Variants in KLF6 observed in about 807,000 individuals in gnomAD.
KLF6 encodes Krueppel-like factor 6.
For missense variants in KLF6, 233 were observed against 359.8 expected, an observed-to-expected ratio of 0.65 and a Z score of 2.85; for synonymous variants, 152 against 147.9, an observed-to-expected ratio of 1.03 and a Z score of -0.20.
intron 1 of KLF6, chr10:3,783,408 T>C (rs904499343): frequency 2.0e-5 from 3 of 152,208 alleles, no homozygotes; most frequent in Admixed American, 2.0e-4. Context: ...CAGATTTCAG[T>C]TTCTACACCA....
rs1832534587 is a variant in KLF6 at position 3,781,926 on chromosome 10, C to T, written c.391G>A (p.Gly131Ser). The T allele has an allele frequency of 1.2e-6, 2 of 1,614,186 alleles. No homozygotes were observed. Among genetic ancestry groups the T allele is most frequent in the Admixed American group, 1.7e-5 (1 of 60,014 alleles). The part of the protein sequence containing the change: ...PTAKFTSDPI[G>S]EVLVSSGKLS... ...TTTCCCGAGCTGACCAAAACTTCGC[C>T]AATGGGGTCGGAGGTAAACTTGGCC... The change falls in exon 2 of 4, where the codon GGC (glycine) becomes AGC (serine). Residue 131 changes from glycine to serine, a missense_variant. Transcript: ENST00000497571. The surrounding 1 kb of genome is among the most constrained non-coding windows in gnomAD (Gnocchi z 5.8).
rs1373813014 is a variant in KLF6, at chr10:3,780,410, C to T, written c.677-181G>A. 1 of 706,508 alleles carries T rather than the reference C, an allele frequency of 1.4e-6. No individual in the cohort carries two copies. The highest frequency in any genetic ancestry group is 2.5e-6 in the Non-Finnish European group (1 of 397,124). 43.8% of individuals were successfully genotyped at this position (706,508 alleles called of 1,614,324 possible). On this transcript the variant is annotated intron_variant, in intron 2 of 3. Coordinates refer to ENST00000497571, the MANE Select transcript of KLF6 (RefSeq NM_001300.6). This position sits in a 1 kb window ranked among gnomAD's most constrained non-coding sequence, Gnocchi z 4.6. ...AACAGCAGCTCTCTCCTGACCCAGT[C>T]TCAGGCCTCCCACTGCTGTCCAAGG...
chr10:3,777,922 G>GTTTT lies in KLF6; in HGVS notation c.*1613_*1616dup, dbSNP rs375644559. 41 of 492,414 alleles carry GTTTT rather than the reference G, an allele frequency of 8.3e-5. No individual in the cohort carries two copies. Among genetic ancestry groups the GTTTT allele is most frequent in the Non-Finnish European group, 1.4e-4 (36 of 250,536 alleles). The allele number at this position is 492,414 out of a possible 1,614,324, so 30.5% of individuals were successfully genotyped here. ...TTAAGCAAATACATTAACATTGGGGGTTTTTTAATACTTCTGTATCTTTAA... is the reference window on the plus strand; with the variant it reads ...TTAAGCAAATACATTAACATTGGGGGTTTTTTTTTTAATACTTCTGTATCTTTAA... On this transcript the variant is annotated 3_prime_UTR_variant, in exon 4 of 4. Coordinates refer to ENST00000497571, the MANE Select transcript of KLF6 (RefSeq NM_001300.6).
chr10:3,777,465 A>C lies in KLF6; in HGVS notation c.*2074T>G. The C allele has an allele frequency of 2.0e-6, 1 of 512,018 alleles. No individual in the cohort carries two copies. The highest frequency in any genetic ancestry group is 2.3e-5 in the Admixed American group (1 of 44,248). 31.7% of individuals were successfully genotyped at this position (512,018 alleles called of 1,614,324 possible). A position where few individuals can be genotyped will look rare whatever the true frequency, so the allele number is the denominator to read the frequency against. On this transcript the variant is annotated 3_prime_UTR_variant, in exon 4 of 4. Transcript: ENST00000497571. ...CAAAATCAAAACCTTAGTGTGTCCG[A>C]GTCCAGCCTGGGTTCCAGCATTCTG...
chr10:3,782,348 TTGTAATTAAGCATCCG>T lies in KLF6; in HGVS notation c.103-150_103-135del. The stretch of plus-strand genomic sequence containing the variant: ...CCGGTCACTACAGGGGCAAAACCTT[TTGTAATTAAGCATCCG>T]TGTCCTTACGGAAGTTAGAGGAAAT... On this transcript the variant is annotated intron_variant, in intron 1 of 3. Coordinates refer to ENST00000497571, the MANE Select transcript of KLF6 (RefSeq NM_001300.6). The surrounding 1 kb of genome is among the most constrained non-coding windows in gnomAD (Gnocchi z 4.3). 1 of 734,876 alleles carries T rather than the reference TTGTAATTAAGCATCCG, an allele frequency of 1.4e-6. No homozygotes were observed. Among genetic ancestry groups the T allele is most frequent in the Non-Finnish European group, 2.4e-6 (1 of 417,298 alleles). 45.5% of individuals were successfully genotyped at this position (734,876 alleles called of 1,614,324 possible).
Position 3,780,677 on chromosome 10 carries a change from C to T in KLF6, c.677-448G>A. On this transcript the variant is annotated intron_variant, in intron 2 of 3. Transcript: ENST00000497571. The surrounding 1 kb of genome is among the most constrained non-coding windows in gnomAD (Gnocchi z 4.6). ...TCCTCAGGGACGTTCTACCTTTCTA[C>T]AAAGCTGAAGTTACGAGCTTCTGGA... 1 of 274,228 alleles carries T rather than the reference C, an allele frequency of 3.6e-6. No individual in the cohort carries two copies. The highest frequency in any genetic ancestry group is 7.3e-6 in the Non-Finnish European group (1 of 136,802). The allele number at this position is 274,228 out of a possible 1,614,324, so 17.0% of individuals were successfully genotyped here.
chr10:3,780,729 A>G lies in KLF6; in HGVS notation c.677-500T>C. ...AGCCCCAGTACAGGGCCCCGGAATCATTCTCTAAATGGCAATTGAACAACT... is the reference window on the plus strand; with the variant it reads ...AGCCCCAGTACAGGGCCCCGGAATCGTTCTCTAAATGGCAATTGAACAACT... On this transcript the variant is annotated intron_variant, in intron 2 of 3. Transcript: ENST00000497571. This position sits in a 1 kb window ranked among gnomAD's most constrained non-coding sequence, Gnocchi z 4.6. The G allele has an allele frequency of 4.7e-6, 1 of 210,754 alleles. No homozygotes were observed. The highest frequency in any genetic ancestry group is 9.9e-6 in the Non-Finnish European group (1 of 100,872). 13.1% of individuals were successfully genotyped at this position (210,754 alleles called of 1,614,324 possible). A position where few individuals can be genotyped will look rare whatever the true frequency, so the allele number is the denominator to read the frequency against.
chr10:3,784,192 G>C (rs925094653), intron 1 of KLF6, among the ~76,000 whole-genome samples: 2 of 152,118 alleles, frequency 1.3e-5, no homozygotes, highest in African/African-American at 2.4e-5. Context: ...CTATAAGCAC[G>C]GGGACCTGGT....
chr10:3,781,201 T>A lies in KLF6; in HGVS notation c.676+440A>T, dbSNP rs146099876. 6.7e-4 allele frequency: 266 copies of A among 396,358 alleles called. 1 individual carries two copies. The highest frequency in any genetic ancestry group is 4.4e-3 in the African/African-American group (217 of 49,096). The allele number at this position is 396,358 out of a possible 1,614,324, so 24.6% of individuals were successfully genotyped here. A position where few individuals can be genotyped will look rare whatever the true frequency, so the allele number is the denominator to read the frequency against. On this transcript the variant is annotated intron_variant, in intron 2 of 3. Transcript: ENST00000497571. The surrounding 1 kb of genome is among the most constrained non-coding windows in gnomAD (Gnocchi z 5.8). ...AGAGCAGGCCGGTCCCACTCGGGCC[T>A]CGGGCCGTCAGCATCAAACCCACAC...
In KLF6 at chr10:3,781,484, CA is replaced by C; in HGVS notation, c.676+156del. 6.4e-7 allele frequency: 1 copy of C among 1,550,634 alleles called. No homozygotes were observed. On this transcript the variant is annotated intron_variant, in intron 2 of 3. Transcript: ENST00000497571. The surrounding 1 kb of genome is among the most constrained non-coding windows in gnomAD (Gnocchi z 5.8). ...GTCTTTAGGATTCTACTCTGAACTC[CA>C]AAAAGACCTAATGCTTTGGTGGAAA... is the stretch of plus-strand genomic sequence containing the variant.
intron 1 of KLF6, among the ~76,000 whole-genome samples, chr10:3,784,567 A>G (rs1442619776): frequency 1.3e-5 from 2 of 151,736 alleles, no homozygotes; most frequent in African/African-American, 2.4e-5. Context: ...CAAAAACAAA[A>G]TCCGTTAAAA....
chr10:3,778,419 T>C lies in KLF6; in HGVS notation c.*1120A>G, dbSNP rs1832444264. 1.9e-6 allele frequency: 1 copy of C among 525,556 alleles called. No homozygotes were observed. The highest frequency in any genetic ancestry group is 3.7e-6 in the Non-Finnish European group (1 of 270,814). 32.6% of individuals were successfully genotyped at this position (525,556 alleles called of 1,614,324 possible). A position where few individuals can be genotyped will look rare whatever the true frequency, so the allele number is the denominator to read the frequency against. On this transcript the variant is annotated 3_prime_UTR_variant, in exon 4 of 4. Coordinates refer to ENST00000497571, the MANE Select transcript of KLF6 (RefSeq NM_001300.6). ...GCGTTAGTGGTTTTATCCACCCAAC[T>C]GAGAAAAATTTTAGGTTCTTAAGTC...
In KLF6 at chr10:3,778,744, C is replaced by T. The variant is rs1202426933; in HGVS notation, c.*795G>A. 7.6e-6 allele frequency: 4 copies of T among 529,796 alleles called. No homozygotes were observed. Among genetic ancestry groups the T allele is most frequent in the African/African-American group, 7.5e-5 (4 of 53,630 alleles). The allele number at this position is 529,796 out of a possible 1,614,324, so 32.8% of individuals were successfully genotyped here. A position where few individuals can be genotyped will look rare whatever the true frequency, so the allele number is the denominator to read the frequency against. ...CAGTCCTGACTTAAAAATGGAAAAG[C>T]ATATAGTTCCCCAGACCATGCATGA... On this transcript the variant is annotated 3_prime_UTR_variant, in exon 4 of 4. Transcript: ENST00000497571.
At chr10:3,784,278 C>G (rs1288603199) in intron 1 of KLF6, among the ~76,000 whole-genome samples, 1 of 152,162 alleles carries the variant, frequency 6.6e-6, no homozygotes, top group Non-Finnish European at 1.5e-5. Context: ...TCTTTCCAAA[C>G]TAAGACTTGA....
At position 3,780,620 on chromosome 10, in the gene KLF6, C is replaced by T; in HGVS notation, c.677-391G>A. The T allele has an allele frequency of 2.9e-6, 1 of 347,164 alleles. No individual in the cohort carries two copies. Among genetic ancestry groups the T allele is most frequent in the Non-Finnish European group, 5.7e-6 (1 of 176,114 alleles). 21.5% of individuals were successfully genotyped at this position (347,164 alleles called of 1,614,324 possible). A position where few individuals can be genotyped will look rare whatever the true frequency, so the allele number is the denominator to read the frequency against. On this transcript the variant is annotated intron_variant, in intron 2 of 3. Transcript: ENST00000497571. The surrounding 1 kb of genome is among the most constrained non-coding windows in gnomAD (Gnocchi z 4.6). Reference sequence around the variant, plus strand: ...CTCCCAAACACACTTCTGTTCCATCCTCACTTCCCTATGGAATGTGCCTCT... The same window carrying T: ...CTCCCAAACACACTTCTGTTCCATCTTCACTTCCCTATGGAATGTGCCTCT...
Position 3,780,073 on chromosome 10 carries a change from G to C in KLF6, c.800+33C>G. ...GGTCATCACATTCCCAAGGCCCCAC[G>C]CTCCTTGCCCAGCATTGTCCTCAGG... On this transcript the variant is annotated intron_variant, in intron 3 of 3. Coordinates refer to ENST00000497571, the MANE Select transcript of KLF6 (RefSeq NM_001300.6). The surrounding 1 kb of genome is among the most constrained non-coding windows in gnomAD (Gnocchi z 4.6). The C allele has an allele frequency of 6.2e-7, 1 of 1,613,534 alleles. No individual in the cohort carries two copies. Among genetic ancestry groups the C allele is most frequent in the South Asian group, 1.1e-5 (1 of 91,066 alleles).
At position 3,779,091 on chromosome 10, in the gene KLF6, C is replaced by T. The variant is rs1282000406; in HGVS notation, c.*448G>A. The T allele has an allele frequency of 2.1e-5, 11 of 536,238 alleles. No individual in the cohort carries two copies. The East Asian group carries it at 3.5e-4, about 17-fold the overall frequency. 33.2% of individuals were successfully genotyped at this position (536,238 alleles called of 1,614,324 possible). A position where few individuals can be genotyped will look rare whatever the true frequency, so the allele number is the denominator to read the frequency against. On this transcript the variant is annotated 3_prime_UTR_variant, in exon 4 of 4. Transcript: ENST00000497571. The stretch of plus-strand genomic sequence containing the variant: ...CTAAGGTGCAGACACCCCCTCCCCC[C>T]AAGGAAATGATTGGTGGTCATCTCA...
Position 3,776,502 on chromosome 10 carries a change from GA to G in KLF6, c.*3036del. The stretch of plus-strand genomic sequence containing the variant: ...GAAGCCAGGGTGATGAATGCAGGAG[GA>G]ATCTGTTCCAACAACCCCCTTCCCC... On this transcript the variant is annotated 3_prime_UTR_variant, in exon 4 of 4. Coordinates refer to ENST00000497571, the MANE Select transcript of KLF6 (RefSeq NM_001300.6). 1.9e-6 allele frequency: 1 copy of G among 529,722 alleles called. No homozygotes were observed. The highest frequency in any genetic ancestry group is 4.0e-5 in the East Asian group (1 of 25,210). The allele number at this position is 529,722 out of a possible 1,614,324, so 32.8% of individuals were successfully genotyped here.
chr10:3,776,530 A>G lies in KLF6; in HGVS notation c.*3009T>C. The G allele has an allele frequency of 1.9e-6, 1 of 522,096 alleles. No individual in the cohort carries two copies. Among genetic ancestry groups the G allele is most frequent in the Non-Finnish European group, 3.7e-6 (1 of 269,082 alleles). 32.3% of individuals were successfully genotyped at this position (522,096 alleles called of 1,614,324 possible). ...TCTGTTCCAACAACCCCCTTCCCCC[A>G]AAAAAAACAACCAGACTCAAGATGC... On this transcript the variant is annotated 3_prime_UTR_variant, in exon 4 of 4. Coordinates refer to ENST00000497571, the MANE Select transcript of KLF6 (RefSeq NM_001300.6).
Sources: gnomAD v4.1 joint callset for allele counts (sites outside exome capture counted in the v4.1 genomes callset) on GRCh38, gnomAD v4.1.1 for gene constraint, Gnocchi (gnomAD v3.1) non-coding constraint, MANE v1.5 for transcripts, NCBI Gene and HGNC (gene_info 2026-07-23, HGNC 2026-07-21) for gene names.